The following SCFD1 variants were observed in gnomAD, a reference collection of about 807,000 sequenced individuals.
The protein encoded by SCFD1 is sec1 family domain-containing protein 1.
In SCFD1, 37 loss-of-function variants were observed where a neutral mutation model predicts 103.2. The ratio of observed to expected loss-of-function variants is 0.36; its 90% CI spans 0.28 to 0.47. SCFD1 has a LOEUF of 0.47. Among genes scored for constraint, SCFD1 ranks in the 20% least tolerant of loss-of-function variants. SCFD1 has a pLI of 1.00. For synonymous variants in SCFD1, 264 were observed against 245.0 expected, an observed-to-expected ratio of 1.08 and a Z score of -0.73; for missense variants, 639 against 761.2, an observed-to-expected ratio of 0.84 and a Z score of 1.89.
At chr14:30,704,172 C>T (rs1891308726) in intron 17 of SCFD1, among the ~76,000 whole-genome samples, 1 of 151,624 alleles carries the variant, frequency 6.6e-6, no homozygotes, top group Admixed American at 6.6e-5. Context: ...ATTGTTTATA[C>T]ATATGACAGA....
chr14:30,628,505 C>T (rs1412693436), intron 2 of SCFD1, among the ~76,000 whole-genome samples: 1 of 152,118 alleles, frequency 6.6e-6, no homozygotes, highest in Non-Finnish European at 1.5e-5. Flanking sequence ...CAGTTGATCT[C>T]TTTGGTAGGA....
At chr14:30,650,905 C>T (rs1425036459) in intron 9 of SCFD1, among the ~76,000 whole-genome samples, 1 of 152,046 alleles carries the variant, frequency 6.6e-6, no homozygotes, top group Non-Finnish European at 1.5e-5. Context: ...CTTTGAAGGT[C>T]AGAAGCCATT....
At chr14:30,682,142 G>T (rs973511161) in intron 14 of SCFD1, among the ~76,000 whole-genome samples, 1 of 152,114 alleles carries the variant, frequency 6.6e-6, no homozygotes, top group African/African-American at 2.4e-5. Flanking sequence ...AATGTTTTTG[G>T]TTGAGAGAAA....
At chr14:30,674,926 A>T in intron 13 of SCFD1, 58 bp from the exon 14 acceptor site, 1 of 996,020 alleles carries the variant, frequency 1.0e-6, no homozygotes, top group East Asian at 2.5e-5. Context: ...GCATGAGATA[A>T]AGTCTATGTC....
chr14:30,720,289 G>A (rs978183731), intron 21 of SCFD1, among the ~76,000 whole-genome samples: 1 of 152,114 alleles, frequency 6.6e-6, no homozygotes, highest in African/African-American at 2.4e-5. Context: ...GGGGGATGAG[G>A]ATTGACTGCT....
At chr14:30,639,727 A>G (rs573753475) in intron 5 of SCFD1, 50 bp from the exon 6 acceptor site, 44 of 1,491,110 alleles carry the variant, frequency 3.0e-5, no homozygotes, top group South Asian at 7.6e-5. Context: ...TTTACTTTCA[A>G]TATGGCTATA....
At chr14:30,659,338 AGATG>A (rs1887221938) in intron 10 of SCFD1, among the ~76,000 whole-genome samples, 1 of 152,074 alleles carries the variant, frequency 6.6e-6, no homozygotes, top group Admixed American at 6.5e-5. Context: ...TTAAGATATT[AGATG>A]TTTTCTTTTC....
At chr14:30,622,514 C>T (rs1038066575) in intron 1 of SCFD1, 115 bp downstream of exon 1, 14 of 1,435,538 alleles carry the variant, frequency 9.8e-6, no homozygotes, top group Non-Finnish European at 1.1e-5. Context: ...GTCCCTAGAA[C>T]ATCAAGAGCC....
chr14:30,693,689 G>T (rs983129611), intron 14 of SCFD1, among the ~76,000 whole-genome samples: 1 of 152,098 alleles, frequency 6.6e-6, no homozygotes, highest in Admixed American at 6.5e-5. Context: ...ATGTATTTAT[G>T]TTGTATATTT....
At chr14:30,643,229 TA>T in intron 6 of SCFD1, 86 bp from the exon 7 acceptor site, 1 of 909,426 alleles carries the variant, frequency 1.1e-6, no homozygotes, top group Non-Finnish European at 1.8e-6. Flanking sequence ...ATATGTCAAT[TA>T]AGAATTTAGT....
chr14:30,631,359 T>TA (rs974993788), intron 3 of SCFD1, among the ~76,000 whole-genome samples: 85 of 151,902 alleles, frequency 5.6e-4, no homozygotes, highest in Admixed American at 9.8e-4. Flanking sequence ...TCTCAAAATT[T>TA]AAAAAAAATT....
chr14:30,655,065 C>A (rs964557369), intron 10 of SCFD1, among the ~76,000 whole-genome samples: 2 of 152,132 alleles, frequency 1.3e-5, no homozygotes, highest in African/African-American at 4.8e-5. Flanking sequence ...CTTTCTAGAG[C>A]TTACATTCTA....
intron 6 of SCFD1, among the ~76,000 whole-genome samples, chr14:30,640,641 T>C: frequency 6.6e-6 from 1 of 152,086 alleles, no homozygotes; most frequent in East Asian, 1.9e-4. Flanking sequence ...TGAATTCCCT[T>C]AAACATTTTA....
chr14:30,693,062 CT>C (rs1436321774), intron 14 of SCFD1, among the ~76,000 whole-genome samples: 1 of 152,092 alleles, frequency 6.6e-6, no homozygotes, highest in African/African-American at 2.4e-5. Context: ...TTCAAACTAG[CT>C]TTATAGAGTA....
At chr14:30,639,660 T>C (rs1885071568) in intron 5 of SCFD1, 117 bp from the exon 6 acceptor site, 1 of 1,074,676 alleles carries the variant, frequency 9.3e-7, no homozygotes, top group African/African-American at 1.6e-5. Context: ...TTTTAGTTAT[T>C]GAATGTAATT....
intron 2 of SCFD1, 24 bp downstream of exon 2, chr14:30,628,303 C>A: frequency 6.6e-7 from 1 of 1,518,386 alleles, no homozygotes; most frequent in Non-Finnish European, 9.1e-7. Flanking sequence ...TTAATGGGAA[C>A]TGATTTCTGT....
At chr14:30,646,661 C>T (rs1192330471) in intron 7 of SCFD1, among the ~76,000 whole-genome samples, 2 of 152,128 alleles carry the variant, frequency 1.3e-5, no homozygotes, top group African/African-American at 4.8e-5. Context: ...AGTCCCTCCT[C>T]CTCAATTTTT....
chr14:30,678,312 G>A (rs530432395), intron 14 of SCFD1, among the ~76,000 whole-genome samples: 2 of 152,136 alleles, frequency 1.3e-5, no homozygotes, highest in Non-Finnish European at 2.9e-5. Flanking sequence ...AATCCTGGCA[G>A]TTACCCCGCA....
intron 10 of SCFD1, among the ~76,000 whole-genome samples, chr14:30,659,861 A>G (rs1204440209): frequency 3.3e-5 from 5 of 152,200 alleles, no homozygotes; most frequent in Admixed American, 1.3e-4. Flanking sequence ...AGGTTCTGGT[A>G]TGAATAAAAT....
Sources: allele counts gnomAD v4.1 joint callset (sites outside exome capture counted in the v4.1 genomes callset), GRCh38; gene constraint gnomAD v4.1.1; transcripts MANE v1.5; gene names NCBI Gene and HGNC (gene_info 2026-07-23, HGNC 2026-07-21).